The following COL6A6 variants were observed in gnomAD, a reference collection of about 807,000 sequenced individuals.
The protein encoded by COL6A6 is collagen type VI alpha 6 chain.
COL6A6 carries 183 observed loss-of-function variants against 208.6 expected under a neutral mutation model. The ratio of observed to expected loss-of-function variants is 0.88; its 90% CI spans 0.78 to 0.99. The LOEUF is 0.99. COL6A6 is among the 50% of genes least tolerant of loss of function. The pLI is 0.00. For missense variants in COL6A6, 2,816 were observed against 2,815.2 expected (o/e 1.00, Z -0.01); for synonymous variants, 973 against 1,011.8 (o/e 0.96, Z 0.73).
At chr3:130,598,600 T>A (rs1040384002) in intron 19 of COL6A6, among the ~76,000 whole-genome samples, 170 bp downstream of exon 19, 3 of 152,224 alleles carry the variant, frequency 2.0e-5, no homozygotes, top group Non-Finnish European at 4.4e-5. Flanking sequence ...TGTACTACTC[T>A]GGGATTTGAG....
chr3:130,656,000 A>C (rs2065778899), intron 33 of COL6A6, among the ~76,000 whole-genome samples: 1 of 152,240 alleles, frequency 6.6e-6, no homozygotes, highest in Non-Finnish European at 1.5e-5. Context: ...GTGTACCTCA[A>C]GCAGCTTCCA....
At position 130,568,289 on chromosome 3, in the gene COL6A6, G is replaced by C. The variant is rs202197374; in HGVS notation, c.2086G>C (p.Gly696Arg). 202 of 1,613,960 alleles carry C rather than the reference G, an allele frequency of 1.3e-4. No homozygotes were observed. The highest frequency in any genetic ancestry group is 2.8e-4 in the Admixed American group (17 of 60,022). ...TGCAATAGACCAAATGGCTCACATTGGACAAACCACCCTGACTGGTAGTGC... is the reference window on the plus strand; with the variant it reads ...TGCAATAGACCAAATGGCTCACATTCGACAAACCACCCTGACTGGTAGTGC... ...SNAIDQMAHI[G>R]QTTLTGSALS... is the part of the protein sequence containing the mutation. The change falls in exon 6 of 37, where the codon GGA becomes CGA. Residue 696 changes from glycine (G) to arginine (R), a missense_variant. Transcript: ENST00000358511.
rs779178442 is a variant in COL6A6, at chr3:130,649,477, C to T, written c.5648C>T (p.Thr1883Met). ...TCCGCGGATGCCCACTCCATCACCA[C>T]GGCTGCCATGGAGTTCGGCGCGCTT... is the stretch of plus-strand genomic sequence containing the variant. ...GQSADAHSIT[T>M]AAMEFGALEI... The change falls in exon 33 of 37, where the codon ACG becomes ATG. Residue 1883 changes from threonine to methionine, a missense_variant. Coordinates refer to ENST00000358511, the MANE Select transcript of COL6A6 (RefSeq NM_001102608.3). The T allele has an allele frequency of 6.2e-6, 10 of 1,610,896 alleles. 1 individual carries two copies. Among genetic ancestry groups the T allele is most frequent in the South Asian group, 5.5e-5 (5 of 90,260 alleles).
chr3:130,601,564 T>C (rs2064020420), intron 20 of COL6A6, among the ~76,000 whole-genome samples: 1 of 152,232 alleles, frequency 6.6e-6, no homozygotes, highest in South Asian at 2.1e-4. Flanking sequence ...AATCCTGGCA[T>C]GTAAGGATGT....
Position 130,544,978 on chromosome 3 carries a change from T to G in COL6A6, c.-31-15356T>G, listed in dbSNP as rs571323125. Among the ~76,000 whole-genome samples the G allele has an allele frequency of 2.0e-5, 3 of 152,346 alleles. No homozygotes were observed. In the South Asian group the frequency reaches 6.2e-4, roughly 32 times the overall value. ...CAATCTGTAAGCTGCCTTTTCATTT[T>G]GTTGATTATTTCCTTTGCTGTGCTG... On this transcript the variant is annotated intron_variant, in intron 1 of 36. Coordinates refer to ENST00000358511, the MANE Select transcript of COL6A6 (RefSeq NM_001102608.3).
rs2063081029 is a variant in COL6A6 at position 130,568,365 on chromosome 3, A to G, written c.2162A>G (p.Asn721Ser). The change falls in exon 6 of 37, where the codon AAC becomes AGC. Residue 721 changes from asparagine (N) to serine (S), a missense_variant. Asn to Ser is a conservative substitution (Grantham distance 46). Coordinates refer to ENST00000358511, the MANE Select transcript of COL6A6 (RefSeq NM_001102608.3). ...YFSPTKGARP[N>S]IRKFLILITD... The stretch of plus-strand genomic sequence containing the variant: ...AGCCCCACCAAGGGCGCCCGGCCCA[A>G]CATCAGAAAGTTTCTCATCCTCATC... 3.7e-6 allele frequency: 6 copies of G among 1,613,994 alleles called. No individual in the cohort carries two copies. In the East Asian group the frequency reaches 8.9e-5, roughly 24 times the overall value.
chr3:130,662,249 A>G lies in COL6A6; in HGVS notation c.6443A>G (p.His2148Arg). 1 of 1,614,020 alleles carries G rather than the reference A, an allele frequency of 6.2e-7. No homozygotes were observed. Among genetic ancestry groups the G allele is most frequent in the Non-Finnish European group, 8.5e-7 (1 of 1,179,890 alleles). ...DHHLVQLGRI[H>R]KPDHSYGVKF... ...CACCTGGTCCAGCTTGGCCGAATTC[A>G]TAAACCTGACCACAGTTATGGTGTG... The change falls in exon 35 of 37, where the codon CAT (histidine) becomes CGT (arginine). Residue 2148 changes from histidine (H) to arginine (R), a missense_variant. Physicochemically the swap from His to Arg is conservative, Grantham distance 29. Transcript: ENST00000358511.
intron 27 of COL6A6, among the ~76,000 whole-genome samples, chr3:130,635,052 T>A (rs1376067493): frequency 6.6e-6 from 1 of 152,130 alleles, no homozygotes; most frequent in Admixed American, 6.5e-5. Context: ...CTGGCCAACA[T>A]GGCAAAACCC....
intron 1 of COL6A6, among the ~76,000 whole-genome samples, chr3:130,531,054 A>AGTCT (rs879609597): frequency 4.9e-4 from 41 of 83,900 alleles, no homozygotes; most frequent in East Asian, 2.2e-3. Flanking sequence ...ACACACACAC[A>AGTCT]CACACAGTCT....
intron 1 of COL6A6, among the ~76,000 whole-genome samples, chr3:130,555,522 CT>C (rs1278465830): frequency 6.6e-6 from 1 of 152,138 alleles, no homozygotes; most frequent in Admixed American, 6.5e-5. Context: ...TGTCCCTGTT[CT>C]TTTTTTTCAA....
At position 130,676,974 on chromosome 3, in the gene COL6A6, T is replaced by C. The variant is rs539011237; in HGVS notation, c.*1577T>C. On this transcript the variant is annotated 3_prime_UTR_variant, in exon 37 of 37. Coordinates refer to ENST00000358511, the MANE Select transcript of COL6A6 (RefSeq NM_001102608.3). ...AGCACGAACTCCTTTCTTTTGTTAATTGTTGGAAATACCATTAAGATGTAT... is the reference window on the plus strand; with the variant it reads ...AGCACGAACTCCTTTCTTTTGTTAACTGTTGGAAATACCATTAAGATGTAT... 6.6e-6 allele frequency: 1 copy of C among 152,364 alleles called. No homozygotes were observed. The highest frequency in any genetic ancestry group is 1.5e-5 in the Non-Finnish European group (1 of 68,032). The allele number at this position is 152,364 out of a possible 1,614,324, so 9.4% of individuals were successfully genotyped here.
intron 24 of COL6A6, among the ~76,000 whole-genome samples, chr3:130,623,558 G>A (rs371332055): frequency 2.6e-5 from 4 of 151,390 alleles, no homozygotes; most frequent in African/African-American, 9.8e-5. Flanking sequence ...GTGACTTAAC[G>A]GGGTGAGGAC....
intron 1 of COL6A6, among the ~76,000 whole-genome samples, chr3:130,542,391 A>G (rs978187347): frequency 6.6e-6 from 1 of 152,030 alleles, no homozygotes; most frequent in South Asian, 2.1e-4. Context: ...GAGAGCAGAC[A>G]TTGTATGATT....
chr3:130,531,165 G>A lies in COL6A6; in HGVS notation c.-32+13768G>A, dbSNP rs56288310. ...AACCCTAATTCAATGTGCTAAATAT[G>A]TGTAGGTCCAGGCTTTTCAACCTAT... On this transcript the variant is annotated intron_variant, in intron 1 of 36. Transcript: ENST00000358511. Among the ~76,000 whole-genome samples, 772 of 151,948 alleles carry A rather than the reference G, an allele frequency of 5.1e-3. 12 individuals are homozygous for A. The highest frequency in any genetic ancestry group is 0.017 in the African/African-American group (717 of 41,400).
chr3:130,610,293 A>T (rs1354663308), intron 22 of COL6A6, among the ~76,000 whole-genome samples: 3 of 152,176 alleles, frequency 2.0e-5, no homozygotes, highest in African/African-American at 7.2e-5. Context: ...TAGAAAACTT[A>T]TTTAAATGTT....
chr3:130,580,363 T>A (rs1336897919), intron 8 of COL6A6, among the ~76,000 whole-genome samples: 3 of 152,252 alleles, frequency 2.0e-5, no homozygotes, highest in Non-Finnish European at 2.9e-5. Flanking sequence ...ACACTTTGAT[T>A]TACCTTGAAT....
rs373361499 is a variant in COL6A6, at chr3:130,549,490, C to T, written c.-31-10844C>T. 7.2e-5 allele frequency among the ~76,000 whole-genome samples: 11 copies of T among 152,102 alleles called. No individual in the cohort carries two copies. The East Asian group carries it at 1.2e-3, about 16-fold the overall frequency. On this transcript the variant is annotated intron_variant, in intron 1 of 36. Coordinates refer to ENST00000358511, the MANE Select transcript of COL6A6 (RefSeq NM_001102608.3). The stretch of plus-strand genomic sequence containing the variant: ...GGTCCCATGTCCAGAATAGTATTTC[C>T]TAGGTTATCTTCCAGGGTTTTTGTA...
At chr3:130,572,216 G>A (rs867014127) in intron 7 of COL6A6, among the ~76,000 whole-genome samples, 2 of 152,188 alleles carry the variant, frequency 1.3e-5, no homozygotes, top group African/African-American at 4.8e-5. Context: ...CTCTGTTCCA[G>A]CCTCAGAAGT....
chr3:130,675,159 G>A (rs1445677681), intron 36 of COL6A6, 43 bp from the exon 37 acceptor site: 1 of 1,279,476 alleles, frequency 7.8e-7, no homozygotes, highest in Non-Finnish European at 1.1e-6. Context: ...TATTAAAGTT[G>A]AAATGGCATT....
Sources: allele counts gnomAD v4.1 joint callset (sites outside exome capture counted in the v4.1 genomes callset), GRCh38; gene constraint gnomAD v4.1.1; transcripts MANE v1.5; gene names NCBI Gene and HGNC (gene_info 2026-07-23, HGNC 2026-07-21).